The following PDGFRL variants were observed in gnomAD, a reference collection of about 807,000 sequenced individuals.
PDGFRL encodes platelet-derived growth factor receptor-like protein.
PDGFRL carries 46 observed loss-of-function variants against 37.2 expected under a neutral mutation model. That is an observed-to-expected ratio of 1.24 (90% CI 0.98 to 1.58). The LOEUF is 1.58. PDGFRL is among the 40% of genes most tolerant of loss of function. PDGFRL has a pLI of 0.00. For missense variants in PDGFRL, 692 were observed against 467.6 expected (o/e 1.48, Z -4.43); for synonymous variants, 251 against 184.3 (o/e 1.36, Z -2.93).
intron 1 of PDGFRL, 80 bp from the exon 2 acceptor site, chr8:17,589,385 CAAA>C (rs34147348): frequency 1.1e-3 from 850 of 747,738 alleles, no homozygotes; most frequent in Non-Finnish European, 1.4e-3. Flanking sequence ...GAATCTGTCT[CAAA>C]AAAAAAAAAA....
intron 2 of PDGFRL, among the ~76,000 whole-genome samples, chr8:17,609,647 AAAAAAAAAAAAAAAAAAAT>A (rs1563517619): frequency 8.2e-6 from 1 of 121,660 alleles, no homozygotes; most frequent in African/African-American, 2.9e-5. Flanking sequence ...AAAAAAAAAA[AAAAAAAAAAAAAAAAAAAT>A]AAGAGCCAAA....
chr8:17,577,533 G>A (rs1803612858), intron 1 of PDGFRL, among the ~76,000 whole-genome samples: 1 of 151,704 alleles, frequency 6.6e-6, no homozygotes, highest in Non-Finnish European at 1.5e-5. Context: ...CAGCTACCCC[G>A]ACCCTTAGGA....
At chr8:17,591,582 T>C (rs997664917) in intron 2 of PDGFRL, among the ~76,000 whole-genome samples, 1 of 152,150 alleles carries the variant, frequency 6.6e-6, no homozygotes, top group African/African-American at 2.4e-5. Flanking sequence ...AATGGAGAAA[T>C]ACCAGATGTT....
intron 2 of PDGFRL, among the ~76,000 whole-genome samples, chr8:17,593,571 C>G (rs11776468): frequency 1.3e-5 from 2 of 149,190 alleles, no homozygotes; most frequent in African/African-American, 5.0e-5. Flanking sequence ...ATATTCCAAC[C>G]TGGGCAACAG....
At chr8:17,615,104 G>C (rs761211300) in intron 2 of PDGFRL, among the ~76,000 whole-genome samples, 1 of 152,140 alleles carries the variant, frequency 6.6e-6, no homozygotes, top group Non-Finnish European at 1.5e-5. Context: ...GCCATCTCAC[G>C]GGATTGAGAA....
chr8:17,619,522 C>A (rs2466172), intron 2 of PDGFRL, among the ~76,000 whole-genome samples: 2 of 152,144 alleles, frequency 1.3e-5, no homozygotes, highest in Non-Finnish European at 2.9e-5. Context: ...AATGCCCAAA[C>A]CCTTTAAATA....
chr8:17,591,374 G>T (rs1042454275), intron 2 of PDGFRL, among the ~76,000 whole-genome samples: 15 of 152,178 alleles, frequency 9.9e-5, no homozygotes, highest in Non-Finnish European at 2.1e-4. Context: ...TTCCTGGGGT[G>T]CTGGGAGGAA....
intron 3 of PDGFRL, among the ~76,000 whole-genome samples, chr8:17,621,879 C>G (rs1804643455): frequency 6.6e-6 from 1 of 152,082 alleles, no homozygotes. Context: ...CACTGTGTTG[C>G]CCAGGCTGGT....
rs780135445 is a variant in PDGFRL, at chr8:17,621,078, G to T, written c.381G>T (p.Gln127His). 58 of 1,609,882 alleles carry T rather than the reference G, an allele frequency of 3.6e-5. No individual in the cohort carries two copies. In the East Asian group the frequency reaches 1.3e-3, roughly 35 times the overall value. The change falls in exon 3 of 6, where the codon CAG becomes CAT. Residue 127 changes from glutamine to histidine, a missense_variant. Coordinates refer to ENST00000251630, the MANE Select transcript of PDGFRL (RefSeq NM_001372073.1). ...TCAAGCAGAATGAGCGCTACGGCCAGTTGACTCTGGTCAACTCCACCTCGG... is the reference window on the plus strand; with the variant it reads ...TCAAGCAGAATGAGCGCTACGGCCATTTGACTCTGGTCAACTCCACCTCGG... ...LSVKQNERYGQLTLVNSTSAD... is the reference protein window; with the variant it reads ...LSVKQNERYGHLTLVNSTSAD...
Position 17,619,587 on chromosome 8 carries a change from T to A in PDGFRL, c.354-1464T>A, listed in dbSNP as rs140659287. Among the ~76,000 whole-genome samples the A allele has an allele frequency of 2.0e-5, 3 of 152,338 alleles. No individual in the cohort carries two copies. The East Asian group carries it at 5.8e-4, about 29-fold the overall frequency. On this transcript the variant is annotated intron_variant, in intron 2 of 5. Transcript: ENST00000251630. ...TTGGGCTCAGGACCTTATCAGCCAA[T>A]GCGTTTTCTTCCTAAAAGAAAGTTT...
At chr8:17,639,873 T>C (rs940647573) in intron 5 of PDGFRL, among the ~76,000 whole-genome samples, 1 of 152,344 alleles carries the variant, frequency 6.6e-6, no homozygotes, top group African/African-American at 2.4e-5. Flanking sequence ...AAATATGTCT[T>C]TCAAACTTTT....
At chr8:17,628,429 G>T in intron 3 of PDGFRL, 58 bp from the exon 4 acceptor site, 2 of 1,378,656 alleles carry the variant, frequency 1.5e-6, no homozygotes, top group South Asian at 2.4e-5. Flanking sequence ...AATCCTTAAG[G>T]GTGCTTTTAC....
chr8:17,628,808 C>G (rs370466921), intron 4 of PDGFRL, 28 bp downstream of exon 4: 30 of 1,537,136 alleles, frequency 2.0e-5, no homozygotes, highest in Non-Finnish European at 2.6e-5. Context: ...TGCCTAGATT[C>G]TAGTTAGTCC....
chr8:17,577,497 C>T (rs918006179), intron 1 of PDGFRL, among the ~76,000 whole-genome samples, 190 bp downstream of exon 1: 2 of 152,028 alleles, frequency 1.3e-5, no homozygotes, highest in African/African-American at 4.8e-5. Context: ...TCTTTGCCTG[C>T]CCGGAGAGCC....
At chr8:17,581,726 G>T (rs1332043336) in intron 1 of PDGFRL, among the ~76,000 whole-genome samples, 2 of 152,238 alleles carry the variant, frequency 1.3e-5, no homozygotes, top group Middle Eastern at 3.4e-3. Flanking sequence ...CCTCTGCCCT[G>T]AGTGGAAGCA....
rs1384880862 is a variant in PDGFRL, at chr8:17,577,413, C to CGGT, written c.55+109_55+111dup. ...AGCTCTTGGTCTAACGTTCGGCCCT[C>CGGT]GGTGGCTCAGCCCCCGCGCCACTGC... On this transcript the variant is annotated intron_variant, in intron 1 of 5. Transcript: ENST00000251630. 12 of 966,938 alleles carry CGGT rather than the reference C, an allele frequency of 1.2e-5. No homozygotes were observed. The Middle Eastern group carries it at 1.1e-3, about 89-fold the overall frequency. The allele number at this position is 966,938 out of a possible 1,614,324, so 59.9% of individuals were successfully genotyped here.
At chr8:17,598,623 T>C (rs1374444969) in intron 2 of PDGFRL, among the ~76,000 whole-genome samples, 3 of 152,240 alleles carry the variant, frequency 2.0e-5, no homozygotes, top group Non-Finnish European at 4.4e-5. Flanking sequence ...AGTATTAATG[T>C]ATTTCATATC....
rs115981755 is a variant in PDGFRL, at chr8:17,599,316, T to C, written c.353+9551T>C. On this transcript the variant is annotated intron_variant, in intron 2 of 5. Coordinates refer to ENST00000251630, the MANE Select transcript of PDGFRL (RefSeq NM_001372073.1). ...ACTGCCCCAAACTCTTCCCCCCAAG[T>C]CCCTAAAGTCCATTGTATCATTCTT... Among the ~76,000 whole-genome samples, 187 of 152,266 alleles carry C rather than the reference T, an allele frequency of 1.2e-3. 2 individuals carry two copies. Among genetic ancestry groups the C allele is most frequent in the African/African-American group, 4.3e-3 (177 of 41,556 alleles).
At chr8:17,624,709 G>A (rs989663242) in intron 3 of PDGFRL, among the ~76,000 whole-genome samples, 2 of 152,306 alleles carry the variant, frequency 1.3e-5, no homozygotes, top group African/African-American at 4.8e-5. Context: ...AGGAGTTCAA[G>A]ACCAGCCTAA....
Sources: allele counts gnomAD v4.1 joint callset (sites outside exome capture counted in the v4.1 genomes callset), GRCh38; gene constraint gnomAD v4.1.1; transcripts MANE v1.5; gene names NCBI Gene and HGNC (gene_info 2026-07-23, HGNC 2026-07-21).